YES1: variants seen among roughly 807,000 people sequenced by gnomAD.
The protein encoded by YES1 is tyrosine-protein kinase Yes.
Under a neutral mutation model 70.4 loss-of-function variants are expected in YES1, and 39 were observed. The observed-to-expected ratio is 0.55, with a 90% CI of 0.43 to 0.72. The LOEUF is 0.72. Ranked by LOEUF, YES1 falls within the 30% of genes least tolerant of loss-of-function variation. The pLI is 0.00. For synonymous variants in YES1, 198 were observed against 218.6 expected, an observed-to-expected ratio of 0.91 and a Z score of 0.83; for missense variants, 495 against 644.8, an observed-to-expected ratio of 0.77 and a Z score of 2.52.
At chr18:807,776 A>G (rs1907172185) in intron 1 of YES1, among the ~76,000 whole-genome samples, 1 of 152,194 alleles carries the variant, frequency 6.6e-6, no homozygotes, top group Non-Finnish European at 1.5e-5. Context: ...TAATTCTAGA[A>G]GTTATCCCTC....
At chr18:768,009 C>CT (rs1461973637) in intron 1 of YES1, among the ~76,000 whole-genome samples, 2 of 152,046 alleles carry the variant, frequency 1.3e-5, no homozygotes, top group African/African-American at 2.4e-5. Context: ...CCTTTTTCAT[C>CT]TTTTTCAAAA....
chr18:731,754 T>TCA (rs2080089876), intron 11 of YES1, among the ~76,000 whole-genome samples: 1 of 151,188 alleles, frequency 6.6e-6, no homozygotes, highest in African/African-American at 2.4e-5. Context: ...GATCACAAGG[T>TCA]CAGGAGATCG....
rs910562293 is a variant in YES1 at position 736,915 on chromosome 18, C to T, written c.1184G>A (p.Arg395Gln). 3.1e-6 allele frequency: 5 copies of T among 1,611,644 alleles called. No homozygotes were observed. Among genetic ancestry groups the T allele is most frequent in the East Asian group, 2.2e-5 (1 of 44,862 alleles). Residue 395 changes from arginine to glutamine, a missense_variant, in exon 10 of 12, where the codon CGA (arginine) becomes CAA (glutamine). Physicochemically the swap from Arg to Gln is conservative, Grantham distance 43. Coordinates refer to ENST00000314574, the MANE Select transcript of YES1 (RefSeq NM_005433.4). ...AAGAATATTAGCAGCCCGAAGATCT[C>T]GGTGAATATAGTTCATTCTTTCAAT... ...AYIERMNYIH[R>Q]DLRAANILVG...
chr18:732,964 A>T lies in YES1; in HGVS notation c.1293T>A (p.Gly431=). Residue 431 remains glycine, a splice_region_variant and synonymous_variant, in exon 11 of 12, where the codon GGT becomes GGA. Coordinates refer to ENST00000314574, the MANE Select transcript of YES1 (RefSeq NM_005433.4). ...IEDNEYTARQ[G]AKFPIKWTAP... Reference sequence around the variant, plus strand: ...CTGTCCATTTGATTGGAAATTTTGCACCTAAAATAATGTTGACCATCTTGC... The same window carrying T: ...CTGTCCATTTGATTGGAAATTTTGCTCCTAAAATAATGTTGACCATCTTGC... 1 of 1,614,142 alleles carries T rather than the reference A, an allele frequency of 6.2e-7. No individual in the cohort carries two copies. Among genetic ancestry groups the T allele is most frequent in the Non-Finnish European group, 8.5e-7 (1 of 1,180,016 alleles).
intron 8 of YES1, 138 bp downstream of exon 8, chr18:742,780 A>C: frequency 1.7e-6 from 1 of 593,500 alleles, no homozygotes; most frequent in Non-Finnish European, 2.6e-6. Flanking sequence ...TCCATTAAAC[A>C]AAGTGTCAGG....
chr18:770,924 C>T (rs1182883464), intron 1 of YES1, among the ~76,000 whole-genome samples: 1 of 150,746 alleles, frequency 6.6e-6, no homozygotes, highest in Non-Finnish European at 1.5e-5. Context: ...GGTGGGAGAA[C>T]AGCTTGAGGG....
chr18:812,327 G>GCCCCCCCCCCCCCCCCCCCCCCCC (rs10617278), upstream of YES1: 1 of 145,060 alleles, frequency 6.9e-6, no homozygotes, highest in African/African-American at 2.5e-5. Flanking sequence ...CACCTCCTCC[G>GCCCCCCCCCCCCCCCCCCCCCCCC]CCCCCCCCCC....
chr18:743,230 T>C, intron 7 of YES1, 30 bp downstream of exon 7: 1 of 1,599,474 alleles, frequency 6.3e-7, no homozygotes, highest in Admixed American at 1.7e-5. Flanking sequence ...AGCTAAACAA[T>C]GACAGAAAAC....
chr18:767,613 A>G (rs1053034671), intron 1 of YES1, among the ~76,000 whole-genome samples: 37 of 152,266 alleles, frequency 2.4e-4, no homozygotes, highest in Non-Finnish European at 1.0e-4. Context: ...ATTGTCCTAC[A>G]TATCTATTCT....
intron 1 of YES1, among the ~76,000 whole-genome samples, chr18:775,524 T>C (rs1905335815): frequency 6.6e-6 from 1 of 152,164 alleles, no homozygotes; most frequent in South Asian, 2.1e-4. Flanking sequence ...CGGCCGGATG[T>C]AGTGGCTCAC....
intron 1 of YES1, among the ~76,000 whole-genome samples, chr18:781,764 C>CT (rs546738253): frequency 0.011 from 1,589 of 147,458 alleles, 13 homozygotes; most frequent in South Asian, 0.013. Flanking sequence ...ACTGAATTTC[C>CT]TTTTTTTTTT....
chr18:740,135 T>TC (rs1395205425), intron 8 of YES1, among the ~76,000 whole-genome samples: 1 of 152,196 alleles, frequency 6.6e-6, no homozygotes, highest in African/African-American at 2.4e-5. Context: ...TTTAAGTAAA[T>TC]CTGAATCAAG....
At chr18:772,495 C>T (rs563249161) in intron 1 of YES1, among the ~76,000 whole-genome samples, 3 of 151,800 alleles carry the variant, frequency 2.0e-5, no homozygotes, top group South Asian at 2.1e-4. Flanking sequence ...TGCAATGGTG[C>T]GATCTCGGCT....
intron 1 of YES1, among the ~76,000 whole-genome samples, chr18:757,337 A>G (rs1275379306): frequency 2.6e-5 from 4 of 151,398 alleles, no homozygotes; most frequent in African/African-American, 4.9e-5. Context: ...CCCCGCCTCT[A>G]CTAAAAATGC....
At position 796,203 on chromosome 18, in the gene YES1, C is replaced by G. The variant is rs148320247; in HGVS notation, c.-9+15911G>C. 4.7e-3 allele frequency among the ~76,000 whole-genome samples: 709 copies of G among 152,246 alleles called. 4 individuals carry two copies. The highest frequency in any genetic ancestry group is 0.016 in the African/African-American group (678 of 41,554). ...TTTGTCCTTCTAGGAATCACAGCCTCATGGTTAAGGGTATAGGCTCTGGAG... is the reference window on the plus strand; with the variant it reads ...TTTGTCCTTCTAGGAATCACAGCCTGATGGTTAAGGGTATAGGCTCTGGAG... On this transcript the variant is annotated intron_variant, in intron 1 of 11. Transcript: ENST00000314574.
In YES1 at chr18:742,682, G is replaced by A. The variant is rs564519404; in HGVS notation, c.1060+236C>T. Among the ~76,000 whole-genome samples, 6 of 152,056 alleles carry A rather than the reference G, an allele frequency of 3.9e-5. 1 individual carries two copies. In the South Asian group the frequency reaches 1.0e-3, roughly 26 times the overall value. On this transcript the variant is annotated intron_variant, in intron 8 of 11. Coordinates refer to ENST00000314574, the MANE Select transcript of YES1 (RefSeq NM_005433.4). ...CTTTCTAGCTTTTCCATTTGTTTTAGTCAAACTTAATTTCAAAATTAATTC... is the reference window on the plus strand; with the variant it reads ...CTTTCTAGCTTTTCCATTTGTTTTAATCAAACTTAATTTCAAAATTAATTC...
chr18:770,160 A>G (rs1020662257), intron 1 of YES1, among the ~76,000 whole-genome samples: 3 of 151,874 alleles, frequency 2.0e-5, no homozygotes, highest in African/African-American at 4.8e-5. Flanking sequence ...GGGTTTCACC[A>G]TGTTAGCCAG....
intron 1 of YES1, among the ~76,000 whole-genome samples, chr18:782,362 G>A (rs187566684): frequency 6.6e-5 from 10 of 152,214 alleles, no homozygotes; most frequent in East Asian, 1.9e-4. Context: ...TGGATCAGCC[G>A]CCTCCCTCTG....
chr18:741,920 GC>G (rs2080221024), intron 8 of YES1, among the ~76,000 whole-genome samples: 1 of 152,140 alleles, frequency 6.6e-6, no homozygotes, highest in African/African-American at 2.4e-5. Flanking sequence ...GTGTGTTCTG[GC>G]TATCAATTAA....
Sources: gnomAD v4.1 joint callset for allele counts (sites outside exome capture counted in the v4.1 genomes callset) on GRCh38, gnomAD v4.1.1 for gene constraint, MANE v1.5 for transcripts, NCBI Gene and HGNC (gene_info 2026-07-23, HGNC 2026-07-21) for gene names.